The following COA6 variants were observed in gnomAD, a reference collection of about 807,000 sequenced individuals.
COA6 encodes cytochrome c oxidase assembly factor 6 homolog.
A neutral mutation model predicts 17.1 loss-of-function variants in COA6; 12 were observed. The ratio of observed to expected loss-of-function variants is 0.70; its 90% confidence interval spans 0.45 to 1.14. The LOEUF is 1.14. Among genes scored for constraint, COA6 ranks in the 50% most tolerant of loss-of-function variants. COA6 has a pLI of 0.00. For missense variants in COA6, 246 were observed against 196.5 expected, an observed-to-expected ratio of 1.25 and a Z score of -1.51; for synonymous variants, 90 against 73.4, an observed-to-expected ratio of 1.23 and a Z score of -1.16.
At chr1:234,380,669 C>A (rs537145326) in intron 2 of COA6, among the ~76,000 whole-genome samples, 1 of 152,212 alleles carries the variant, frequency 6.6e-6, no homozygotes, top group Non-Finnish European at 1.5e-5. Flanking sequence ...AGTTCTCTCT[C>A]GTACTCACAT....
At chr1:234,374,583 T>G (rs1012211512) in intron 2 of COA6, among the ~76,000 whole-genome samples, 194 bp downstream of exon 2, 1 of 152,216 alleles carries the variant, frequency 6.6e-6, no homozygotes, top group East Asian at 1.9e-4. Flanking sequence ...GAATGTCAAC[T>G]GACACATTAA....
In COA6 at chr1:234,373,964, T is replaced by C. The variant is rs1339666388; in HGVS notation, c.213-266T>C. On this transcript the variant is annotated intron_variant, in intron 1 of 2. Coordinates refer to ENST00000366615, the MANE Select transcript of COA6 (RefSeq NM_001206641.3). The stretch of plus-strand genomic sequence containing the variant: ...ACAGAACCACAGTTCTCAGCCGGGC[T>C]TTCTGAGCCCACGCTGCCGCCCCAG... 3.2e-6 allele frequency: 4 copies of C among 1,237,046 alleles called. No homozygotes were observed. The African/African-American group carries it at 6.1e-5, about 19-fold the overall frequency. The allele number at this position is 1,237,046 out of a possible 1,614,324, so 76.6% of individuals were successfully genotyped here.
intron 1 of COA6, 148 bp downstream of exon 1, chr1:234,373,826 T>G (rs749564062): frequency 1.9e-6 from 3 of 1,613,576 alleles, no homozygotes; most frequent in Non-Finnish European, 2.5e-6. Context: ...ACACACCTGT[T>G]TCTACAGCGC....
intron 2 of COA6, among the ~76,000 whole-genome samples, chr1:234,378,442 C>T (rs1658872463): frequency 6.6e-6 from 1 of 152,120 alleles, no homozygotes; most frequent in Non-Finnish European, 1.5e-5. Context: ...AACAAGGGTA[C>T]AGGTTTAAGT....
rs1240226845 is a variant in COA6 at position 234,374,407 on chromosome 1, GTGT to G, written c.372+20_372+22del. On this transcript the variant is annotated intron_variant, in intron 2 of 2. Coordinates refer to ENST00000366615, the MANE Select transcript of COA6 (RefSeq NM_001206641.3). ...AACAGTGGGTAAGTCACACTTTGATGTGTTTCTCTTCCCTGTTAAGATACATCG... is the reference window on the plus strand; with the variant it reads ...AACAGTGGGTAAGTCACACTTTGATGTTCTCTTCCCTGTTAAGATACATCG... The G allele has an allele frequency of 6.2e-7, 1 of 1,613,392 alleles. No individual in the cohort carries two copies.
intron 2 of COA6, among the ~76,000 whole-genome samples, chr1:234,377,684 C>G (rs897006324): frequency 6.6e-6 from 1 of 152,234 alleles, no homozygotes; most frequent in African/African-American, 2.4e-5. Context: ...GTGTAAATTG[C>G]ACCATATTTC....
chr1:234,377,924 C>A (rs940146458), intron 2 of COA6, among the ~76,000 whole-genome samples: 1 of 152,220 alleles, frequency 6.6e-6, no homozygotes, highest in African/African-American at 2.4e-5. Flanking sequence ...ATAAAACTCA[C>A]CCGTAGAACC....
At chr1:234,376,382 A>C (rs141340067) in intron 2 of COA6, among the ~76,000 whole-genome samples, 1 of 152,064 alleles carries the variant, frequency 6.6e-6, no homozygotes, top group East Asian at 1.9e-4. Flanking sequence ...TGAGGCCCCA[A>C]CCTCTCTCCA....
chr1:234,380,379 A>G (rs1658938545), intron 2 of COA6, among the ~76,000 whole-genome samples: 1 of 152,218 alleles, frequency 6.6e-6, no homozygotes, highest in Non-Finnish European at 1.5e-5. Context: ...GGTACTTTGT[A>G]TCTGCTTTAT....
intron 2 of COA6, among the ~76,000 whole-genome samples, chr1:234,376,680 A>G (rs1658803839): frequency 6.6e-6 from 1 of 152,234 alleles, no homozygotes. Context: ...AAACTGAGTT[A>G]TCATTCAGGT....
intron 2 of COA6, among the ~76,000 whole-genome samples, chr1:234,378,591 G>A (rs1373433121): frequency 6.6e-6 from 1 of 152,190 alleles, no homozygotes; most frequent in South Asian, 2.1e-4. Flanking sequence ...CTGCACTGAT[G>A]GGCCAGGCGC....
At chr1:234,376,636 G>A (rs893353199) in intron 2 of COA6, among the ~76,000 whole-genome samples, 1 of 152,210 alleles carries the variant, frequency 6.6e-6, no homozygotes, top group African/African-American at 2.4e-5. Context: ...AAGGATCCAT[G>A]AAAATAGCTT....
intron 2 of COA6, among the ~76,000 whole-genome samples, chr1:234,380,116 CTGAGT>C (rs778721468): frequency 1.3e-5 from 2 of 152,216 alleles, no homozygotes; most frequent in Non-Finnish European, 2.9e-5. Context: ...TAGTTCATAA[CTGAGT>C]TATTTCTCAG....
chr1:234,376,447 A>G (rs1231724292), intron 2 of COA6, among the ~76,000 whole-genome samples: 2 of 152,112 alleles, frequency 1.3e-5, no homozygotes, highest in Admixed American at 6.5e-5. Flanking sequence ...TCTACACTCT[A>G]CACTCTACAC....
At chr1:234,375,028 G>A (rs1572170484) in intron 2 of COA6, among the ~76,000 whole-genome samples, 1 of 151,720 alleles carries the variant, frequency 6.6e-6, no homozygotes, top group Admixed American at 6.6e-5. Context: ...GGTGGCTCAC[G>A]CCTGTAATCC....
At chr1:234,375,750 C>G (rs1490227151) in intron 2 of COA6, among the ~76,000 whole-genome samples, 2 of 152,112 alleles carry the variant, frequency 1.3e-5, no homozygotes, top group African/African-American at 2.4e-5. Context: ...ACCTCCTGGC[C>G]TCAAGCAATC....
In COA6 at chr1:234,383,834, T is replaced by G. The variant is rs902849377; in HGVS notation, c.*16T>G. ...AAAATCCTAGGCTGTTCATAAAGATTGAAAGTATTCTTTCTGGACATTGAA... is the reference window on the plus strand; with the variant it reads ...AAAATCCTAGGCTGTTCATAAAGATGGAAAGTATTCTTTCTGGACATTGAA... On this transcript the variant is annotated 3_prime_UTR_variant, in exon 3 of 3. Coordinates refer to ENST00000366615, the MANE Select transcript of COA6 (RefSeq NM_001206641.3). 1 of 1,324,736 alleles carries G rather than the reference T, an allele frequency of 7.5e-7. No individual in the cohort carries two copies. The allele number at this position is 1,324,736 out of a possible 1,614,324, so 82.1% of individuals were successfully genotyped here.
chr1:234,379,659 C>T (rs150117932), intron 2 of COA6, among the ~76,000 whole-genome samples: 85 of 152,256 alleles, frequency 5.6e-4, no homozygotes, highest in African/African-American at 1.9e-3. Context: ...TTAATTGACT[C>T]ACAGTTCAGC....
At chr1:234,381,020 C>G (rs1040131560) in intron 2 of COA6, among the ~76,000 whole-genome samples, 3 of 152,042 alleles carry the variant, frequency 2.0e-5, no homozygotes, top group Admixed American at 1.3e-4. Context: ...AAATAAAAGG[C>G]TCCTATTGTT....
Sources: gnomAD v4.1 joint callset for allele counts (sites outside exome capture counted in the v4.1 genomes callset) on GRCh38, gnomAD v4.1.1 for gene constraint, MANE v1.5 for transcripts, NCBI Gene and HGNC (gene_info 2026-07-23, HGNC 2026-07-21) for gene names.